TLL1: variants seen among roughly 807,000 people sequenced by gnomAD.
TLL1 encodes the protein tolloid like 1.
In TLL1, 49 loss-of-function variants were observed where a neutral mutation model predicts 128.2. The ratio of observed to expected loss-of-function variants is 0.38; its 90% CI spans 0.30 to 0.48. The LOEUF (loss-of-function observed/expected upper bound fraction) is 0.48. TLL1 is among the 20% of genes least tolerant of loss of function. The pLI is 0.96. For synonymous variants in TLL1, 454 were observed against 418.8 expected (o/e 1.08, Z -1.03); for missense variants, 1,123 against 1,242.0 (o/e 0.90, Z 1.44).
At chr4:165,958,512 T>C (rs1734927943) in intron 1 of TLL1, among the ~76,000 whole-genome samples, 1 of 149,990 alleles carries the variant, frequency 6.7e-6, no homozygotes, top group East Asian at 2.0e-4. Flanking sequence ...ATGTCTTCTT[T>C]TGAGAAGTGT....
intron 1 of TLL1, among the ~76,000 whole-genome samples, chr4:165,936,941 A>T (rs1198052313): frequency 2.0e-5 from 3 of 152,146 alleles, no homozygotes; most frequent in African/African-American, 7.2e-5. Context: ...TCAAACAAAA[A>T]GCAAAAAACG....
chr4:165,896,060 T>A (rs1731661083), intron 1 of TLL1, among the ~76,000 whole-genome samples: 1 of 152,100 alleles, frequency 6.6e-6, no homozygotes, highest in Non-Finnish European at 1.5e-5. Context: ...ATTAGGTATT[T>A]CTCCGAATGC....
chr4:166,028,443 G>C (rs1020753983), intron 9 of TLL1, among the ~76,000 whole-genome samples: 16 of 151,894 alleles, frequency 1.1e-4, no homozygotes, highest in Non-Finnish European at 1.9e-4. Flanking sequence ...ATATGACCTT[G>C]GAAGTGACTA....
intron 12 of TLL1, among the ~76,000 whole-genome samples, chr4:166,044,618 C>T (rs1172210662): frequency 2.6e-5 from 4 of 151,830 alleles, no homozygotes; most frequent in African/African-American, 7.3e-5. Context: ...ATTTGATTGA[C>T]AGTTGAACTT....
intron 18 of TLL1, among the ~76,000 whole-genome samples, chr4:166,083,915 T>C (rs1052095268): frequency 5.3e-5 from 8 of 152,156 alleles, no homozygotes; most frequent in African/African-American, 1.7e-4. Flanking sequence ...AGTAGTGAAA[T>C]TGCTGGACCA....
Position 166,014,525 on chromosome 4 carries a change from A to T in TLL1, c.1007A>T (p.Asp336Val). The T allele has an allele frequency of 6.2e-7, 1 of 1,612,400 alleles. No homozygotes were observed. Among genetic ancestry groups the T allele is most frequent in the Non-Finnish European group, 8.5e-7 (1 of 1,178,770 alleles). Residue 336 changes from aspartate (D) to valine (V), a missense_variant, in exon 8 of 21, where the codon GAT (aspartate) becomes GTT (valine). Physicochemically the swap from Asp to Val is radical, Grantham distance 152. Transcript: ENST00000061240. ...IGQRTRLSKGDIAQARKLYRC... is the reference protein window; with the variant it reads ...IGQRTRLSKGVIAQARKLYRC... Reference sequence around the variant, plus strand: ...CAGCGAACCCGTCTAAGCAAAGGAGATATCGCACAGGCAAGAAAGCTGTAT... The same window carrying T: ...CAGCGAACCCGTCTAAGCAAAGGAGTTATCGCACAGGCAAGAAAGCTGTAT...
At chr4:165,886,646 T>A (rs1471719912) in intron 1 of TLL1, among the ~76,000 whole-genome samples, 1 of 152,198 alleles carries the variant, frequency 6.6e-6, no homozygotes, top group Non-Finnish European at 1.5e-5. Flanking sequence ...ATATAAACCA[T>A]TCAATCCTCT....
At chr4:166,092,436 A>G (rs1232139619) in intron 19 of TLL1, among the ~76,000 whole-genome samples, 1 of 152,090 alleles carries the variant, frequency 6.6e-6, no homozygotes, top group Non-Finnish European at 1.5e-5. Flanking sequence ...TATGATTAAT[A>G]TAAATATAAA....
intron 1 of TLL1, among the ~76,000 whole-genome samples, chr4:165,955,509 T>C (rs1174143265): frequency 1.3e-5 from 2 of 151,772 alleles, no homozygotes; most frequent in Non-Finnish European, 2.9e-5. Flanking sequence ...CCAAGGTCAA[T>C]GAGAAAGAAA....
intron 12 of TLL1, among the ~76,000 whole-genome samples, chr4:166,054,220 T>C (rs1376151106): frequency 6.6e-6 from 1 of 152,098 alleles, no homozygotes; most frequent in Non-Finnish European, 1.5e-5. Context: ...TTCTACTATA[T>C]AGTAGTCTTT....
chr4:165,958,160 A>G (rs369809159), intron 1 of TLL1, among the ~76,000 whole-genome samples: 11 of 137,946 alleles, frequency 8.0e-5, no homozygotes, highest in East Asian at 6.9e-4. Context: ...GAATAGTGCC[A>G]CAATAAACAT....
At chr4:166,086,982 GAA>G (rs928914488) in intron 18 of TLL1, among the ~76,000 whole-genome samples, 3 of 151,916 alleles carry the variant, frequency 2.0e-5, no homozygotes, top group Non-Finnish European at 4.4e-5. Context: ...GATGCTTGGG[GAA>G]AAAAAAGTCT....
chr4:166,050,376 G>A (rs1486761088), intron 12 of TLL1, among the ~76,000 whole-genome samples: 1 of 151,964 alleles, frequency 6.6e-6, no homozygotes, highest in African/African-American at 2.4e-5. Context: ...CCACTTTTTG[G>A]CTATTGTGAA....
At chr4:166,071,064 G>C (rs1011844317) in intron 16 of TLL1, among the ~76,000 whole-genome samples, 4 of 151,780 alleles carry the variant, frequency 2.6e-5, no homozygotes, top group Non-Finnish European at 5.9e-5. Flanking sequence ...GTTTTATGTT[G>C]GGCCTGTGTG....
At chr4:166,055,656 A>G (rs1275632641) in intron 13 of TLL1, among the ~76,000 whole-genome samples, 1 of 152,192 alleles carries the variant, frequency 6.6e-6, no homozygotes, top group East Asian at 1.9e-4. Flanking sequence ...CTTTCAGACT[A>G]GTATTCCCCC....
At chr4:166,002,694 G>C (rs562029840) in intron 5 of TLL1, among the ~76,000 whole-genome samples, 58 of 152,114 alleles carry the variant, frequency 3.8e-4, no homozygotes, top group Admixed American at 1.1e-3. Context: ...GTCCTCCCAG[G>C]TTGGCCTTCC....
chr4:165,909,842 A>T (rs1024649168), intron 1 of TLL1, among the ~76,000 whole-genome samples: 1 of 152,184 alleles, frequency 6.6e-6, no homozygotes, highest in Non-Finnish European at 1.5e-5. Context: ...CTCATTTTTA[A>T]CATAAAGAAA....
chr4:166,091,380 G>A, intron 19 of TLL1, 39 bp downstream of exon 19: 1 of 1,578,524 alleles, frequency 6.3e-7, no homozygotes, highest in Non-Finnish European at 8.7e-7. Flanking sequence ...TTTTGACTGA[G>A]ATCCAGGTTT....
At chr4:165,957,368 C>G (rs912759881) in intron 1 of TLL1, among the ~76,000 whole-genome samples, 4 of 151,944 alleles carry the variant, frequency 2.6e-5, no homozygotes, top group African/African-American at 9.7e-5. Context: ...ACTTCTAGAC[C>G]TATGAAAAAA....
Sources: allele counts gnomAD v4.1 joint callset (sites outside exome capture counted in the v4.1 genomes callset), GRCh38; gene constraint gnomAD v4.1.1; transcripts MANE v1.5; gene names NCBI Gene and HGNC (gene_info 2026-07-23, HGNC 2026-07-21).